ADSS2: variants seen among roughly 807,000 people sequenced by gnomAD.
ADSS2 encodes the protein adenylosuccinate synthase 2.
ADSS2 carries 30 observed loss-of-function variants against 60.0 expected under a neutral mutation model. The observed-to-expected ratio is 0.50, with a 90% CI of 0.37 to 0.68. ADSS2 has a LOEUF of 0.68. ADSS2 is among the 30% of genes least tolerant of loss of function. The probability of loss-of-function intolerance (pLI) is 0.00; values close to 1 mark genes in which losing one functional copy is unlikely to be tolerated. For missense variants in ADSS2, 373 were observed against 554.8 expected (o/e 0.67, Z 3.29); for synonymous variants, 187 against 193.1 (o/e 0.97, Z 0.26).
chr1:244,415,657 G>C (rs1379463384), intron 11 of ADSS2, among the ~76,000 whole-genome samples: 1 of 152,126 alleles, frequency 6.6e-6, no homozygotes, highest in Non-Finnish European at 1.5e-5. Context: ...TCTCAAGAGT[G>C]GCATACTTCC....
chr1:244,419,051 C>T (rs1664614344), intron 8 of ADSS2, 137 bp from the exon 9 acceptor site: 1 of 799,328 alleles, frequency 1.3e-6, no homozygotes, highest in Non-Finnish European at 1.9e-6. Flanking sequence ...CTCTCAAAGA[C>T]TCAGTGTTTT....
intron 1 of ADSS2, among the ~76,000 whole-genome samples, chr1:244,445,601 A>G (rs1490356797): frequency 2.0e-5 from 3 of 152,120 alleles, no homozygotes; most frequent in Non-Finnish European, 4.4e-5. Context: ...GGAAATGCTA[A>G]TATGTGTAAG....
chr1:244,420,036 C>G, intron 8 of ADSS2, 134 bp downstream of exon 8: 1 of 919,048 alleles, frequency 1.1e-6, no homozygotes, highest in Non-Finnish European at 1.6e-6. Context: ...CACAAGATGA[C>G]AAATTTCATC....
rs564900205 is a variant in ADSS2 at position 244,424,817 on chromosome 1, T to C, written c.407-430A>G. 7 of 156,124 alleles carry C rather than the reference T, an allele frequency of 4.5e-5. No individual in the cohort carries two copies. In the South Asian group the frequency reaches 1.4e-3, roughly 30 times the overall value. 9.7% of individuals were successfully genotyped at this position (156,124 alleles called of 1,614,324 possible). A position where few individuals can be genotyped will look rare whatever the true frequency, so the allele number is the denominator to read the frequency against. On this transcript the variant is annotated intron_variant, in intron 4 of 12. Transcript: ENST00000366535. ...CTCCTAATGTGTGTACCTCTTTCCA[T>C]TCTTAGACATCTCTAATCCAAATGC...
rs566496302 is a variant in ADSS2, at chr1:244,440,986, T to G, written c.184-3218A>C. Among the ~76,000 whole-genome samples, 88 of 152,338 alleles carry G rather than the reference T, an allele frequency of 5.8e-4. 1 individual carries two copies. The South Asian group carries it at 0.017, about 30-fold the overall frequency. ...ATATTATTACTTCACACTTGTGTAATTTTATCATCAATTCTGATAGAATCC... is the reference window on the plus strand; with the variant it reads ...ATATTATTACTTCACACTTGTGTAAGTTTATCATCAATTCTGATAGAATCC... On this transcript the variant is annotated intron_variant, in intron 1 of 12. Transcript: ENST00000366535.
chr1:244,418,605 G>C (rs1051082289), intron 9 of ADSS2, among the ~76,000 whole-genome samples, 155 bp downstream of exon 9: 15 of 152,170 alleles, frequency 9.9e-5, no homozygotes, highest in Non-Finnish European at 2.9e-5. Flanking sequence ...ACAGACAGGG[G>C]CCACCACGTC....
At chr1:244,425,825 C>G (rs1664790740) in intron 4 of ADSS2, among the ~76,000 whole-genome samples, 1 of 152,022 alleles carries the variant, frequency 6.6e-6, no homozygotes, top group Admixed American at 6.6e-5. Flanking sequence ...TAGTGCCACA[C>G]AGTTAGATAA....
At position 244,411,338 on chromosome 1, in the gene ADSS2, C is replaced by G; in HGVS notation, c.1267G>C (p.Val423Leu). Residue 423 changes from valine to leucine, a missense_variant, in exon 12 of 13, where the codon GTT (valine) becomes CTT (leucine). Transcript: ENST00000366535. ...SNARAFKELPVNAQNYVRFIE... is the reference protein window; with the variant it reads ...SNARAFKELPLNAQNYVRFIE... Reference sequence around the variant, plus strand: ...AATCGAACATAGTTTTGTGCATTAACAGGTAGTTCTTTAAACGCCCTTGCA... The same window carrying G: ...AATCGAACATAGTTTTGTGCATTAAGAGGTAGTTCTTTAAACGCCCTTGCA... 1 of 1,613,840 alleles carries G rather than the reference C, an allele frequency of 6.2e-7. No individual in the cohort carries two copies. Among genetic ancestry groups the G allele is most frequent in the South Asian group, 1.1e-5 (1 of 91,028 alleles).
chr1:244,409,441 T>C lies in ADSS2; in HGVS notation c.*145A>G, dbSNP rs1437989647. 3.3e-6 allele frequency: 2 copies of C among 602,478 alleles called. No individual in the cohort carries two copies. The highest frequency in any genetic ancestry group is 5.8e-6 in the Non-Finnish European group (2 of 342,586). The allele number at this position is 602,478 out of a possible 1,614,324, so 37.3% of individuals were successfully genotyped here. ...CCAAAGTTAATCTCCACAGTAGGCA[T>C]CCATCTGAAAAGACTGGAAACAACT... On this transcript the variant is annotated 3_prime_UTR_variant, in exon 13 of 13. Transcript: ENST00000366535.
intron 11 of ADSS2, among the ~76,000 whole-genome samples, chr1:244,413,914 G>A (rs886820044): frequency 7.2e-5 from 11 of 152,028 alleles, no homozygotes; most frequent in South Asian, 2.1e-4. Context: ...TAAAAGCCAC[G>A]CCCTTGAGTG....
intron 11 of ADSS2, among the ~76,000 whole-genome samples, chr1:244,413,184 T>A (rs1664452448): frequency 1.3e-5 from 2 of 152,082 alleles, no homozygotes. Context: ...ACTATATTGG[T>A]ATGGGACTAT....
chr1:244,420,333 T>C, intron 7 of ADSS2, 37 bp from the exon 8 acceptor site: 1 of 1,542,618 alleles, frequency 6.5e-7, no homozygotes, highest in Non-Finnish European at 8.8e-7. Context: ...CCATGTATAC[T>C]AATAAACGTT....
intron 1 of ADSS2, among the ~76,000 whole-genome samples, chr1:244,440,337 T>TA (rs1245768111): frequency 5.3e-5 from 8 of 152,042 alleles, no homozygotes; most frequent in South Asian, 2.1e-4. Context: ...TAGGCCCTGC[T>TA]AAAAAAAATC....
chr1:244,415,465 A>T (rs1664507699), intron 11 of ADSS2, among the ~76,000 whole-genome samples: 1 of 152,268 alleles, frequency 6.6e-6, no homozygotes, highest in African/African-American at 2.4e-5. Context: ...AAAACCTACC[A>T]GCTCATCAAG....
At chr1:244,441,937 C>T (rs891874361) in intron 1 of ADSS2, among the ~76,000 whole-genome samples, 1 of 152,080 alleles carries the variant, frequency 6.6e-6, no homozygotes, top group Non-Finnish European at 1.5e-5. Flanking sequence ...GCCTGGGCCA[C>T]AGAACAAGAC....
intron 1 of ADSS2, among the ~76,000 whole-genome samples, chr1:244,438,643 C>T (rs982722862): frequency 7.2e-5 from 11 of 152,100 alleles, no homozygotes; most frequent in African/African-American, 2.4e-4. Flanking sequence ...AAAGTATACT[C>T]GGGATGTATT....
At chr1:244,438,412 T>G (rs938001728) in intron 1 of ADSS2, among the ~76,000 whole-genome samples, 2 of 152,180 alleles carry the variant, frequency 1.3e-5, no homozygotes, top group African/African-American at 4.8e-5. Flanking sequence ...ACACTGAGAA[T>G]CATACTATAA....
At chr1:244,448,107 T>C (rs1006212672) in intron 1 of ADSS2, among the ~76,000 whole-genome samples, 3 of 152,214 alleles carry the variant, frequency 2.0e-5, no homozygotes, top group Admixed American at 1.3e-4. Flanking sequence ...GTTATAAACC[T>C]GGAAGAATGG....
chr1:244,444,804 G>A (rs1370315801), intron 1 of ADSS2, among the ~76,000 whole-genome samples: 1 of 151,994 alleles, frequency 6.6e-6, no homozygotes, highest in Non-Finnish European at 1.5e-5. Context: ...AGCACTACAG[G>A]TCAATAGCAC....
Sources: gnomAD v4.1 joint callset for allele counts (sites outside exome capture counted in the v4.1 genomes callset) on GRCh38, gnomAD v4.1.1 for gene constraint, MANE v1.5 for transcripts, NCBI Gene and HGNC (gene_info 2026-07-23, HGNC 2026-07-21) for gene names.